The following TYW1B variants were observed in gnomAD, a reference collection of about 807,000 sequenced individuals.
TYW1B encodes the protein S-adenosyl-L-methionine-dependent tRNA 4-demethylwyosine synthase TYW1B.
TYW1B carries 73 observed loss-of-function variants against 86.9 expected under a neutral mutation model. The observed-to-expected ratio is 0.84, with a 90% CI of 0.70 to 1.02. The LOEUF is 1.02. Among genes scored for constraint, TYW1B ranks in the 50% least tolerant of loss-of-function variants. TYW1B has a pLI of 0.00. For missense variants in TYW1B, 637 were observed against 827.4 expected (o/e 0.77, Z 2.82); for synonymous variants, 248 against 292.8 (o/e 0.85, Z 1.56).
At chr7:72,649,222 T>C (rs1207901332) in intron 11 of TYW1B, among the ~76,000 whole-genome samples, 10 of 152,148 alleles carry the variant, frequency 6.6e-5, no homozygotes, top group African/African-American at 2.4e-4. Flanking sequence ...TGTAAAGAGC[T>C]GAAGACAAAA....
intron 7 of TYW1B, among the ~76,000 whole-genome samples, chr7:72,748,158 A>G (rs6973144): frequency 0.78 from 118,559 of 151,264 alleles, 46,677 homozygotes; most frequent in Non-Finnish European, 0.8. Context: ...AGTCCCAGCT[A>G]CTAGGGAGGC....
At chr7:72,756,151 T>G (rs1319243736) in intron 7 of TYW1B, among the ~76,000 whole-genome samples, 1 of 152,172 alleles carries the variant, frequency 6.6e-6, no homozygotes, top group Non-Finnish European at 1.5e-5. Context: ...ATGTAAAAAG[T>G]CAAGCATGGT....
intron 11 of TYW1B, among the ~76,000 whole-genome samples, chr7:72,642,655 C>T (rs1335036248): frequency 5.9e-5 from 9 of 152,230 alleles, no homozygotes; most frequent in African/African-American, 2.2e-4. Flanking sequence ...GTAATCCCAG[C>T]ACTTTGGGAG....
At chr7:72,779,712 CAAA>C (rs58301724) in intron 6 of TYW1B, among the ~76,000 whole-genome samples, 4 of 64,278 alleles carry the variant, frequency 6.2e-5, no homozygotes, top group African/African-American at 1.2e-4. Context: ...GACTCTGCCT[CAAA>C]AAAAAAAAAA....
At chr7:72,634,415 T>C (rs1165940046) in intron 11 of TYW1B, among the ~76,000 whole-genome samples, 1 of 148,120 alleles carries the variant, frequency 6.8e-6, no homozygotes, top group Non-Finnish European at 1.5e-5. Flanking sequence ...TCTCGAACTC[T>C]TGGGCTCAAG....
intron 10 of TYW1B, among the ~76,000 whole-genome samples, chr7:72,699,719 G>A (rs1318406028): frequency 7.9e-5 from 12 of 151,328 alleles, no homozygotes; most frequent in African/African-American, 2.4e-4. Context: ...GCGTGATCTC[G>A]GCTCACCACA....
intron 11 of TYW1B, among the ~76,000 whole-genome samples, chr7:72,661,100 A>G (rs1216668030): frequency 2.0e-5 from 3 of 151,280 alleles, no homozygotes; most frequent in African/African-American, 7.3e-5. Flanking sequence ...TCGCCACTAC[A>G]CTTCAGTCTG....
intron 13 of TYW1B, among the ~76,000 whole-genome samples, chr7:72,598,816 T>C (rs1239939440): frequency 6.6e-6 from 1 of 152,006 alleles, no homozygotes; most frequent in African/African-American, 2.4e-5. Flanking sequence ...TTTGAAAAAT[T>C]AAAATGCAAA....
chr7:72,727,353 G>C (rs1787018835), intron 9 of TYW1B, among the ~76,000 whole-genome samples: 1 of 152,152 alleles, frequency 6.6e-6, no homozygotes, highest in Non-Finnish European at 1.5e-5. Context: ...GAATACAGGA[G>C]AGAAGGAGTC....
At chr7:72,642,955 A>G (rs2129569053) in intron 11 of TYW1B, among the ~76,000 whole-genome samples, 1 of 152,360 alleles carries the variant, frequency 6.6e-6, no homozygotes, top group South Asian at 2.1e-4. Flanking sequence ...CTTGGAAAAC[A>G]TTATACTAAC....
chr7:72,710,309 T>C (rs1786622604), intron 10 of TYW1B, among the ~76,000 whole-genome samples: 1 of 152,168 alleles, frequency 6.6e-6, no homozygotes, highest in South Asian at 2.1e-4. Context: ...GTCCCGCACA[T>C]CAGCCATGTG....
At position 72,810,516 on chromosome 7, in the gene TYW1B, C is replaced by T. The variant is rs782226058; in HGVS notation, c.387G>A (p.Ala129=). 34 of 1,613,720 alleles carry T rather than the reference C, an allele frequency of 2.1e-5. 1 individual carries two copies. The highest frequency in any genetic ancestry group is 1.6e-4 in the Middle Eastern group (1 of 6,078). ...GKTYLKGMRD[A]VFGLGNSAYA... ...AGGCAGAATTTCCCAGGCCAAATACCGCATCTCTCATACCCTTCAGGTAAG... is the reference window on the plus strand; with the variant it reads ...AGGCAGAATTTCCCAGGCCAAATACTGCATCTCTCATACCCTTCAGGTAAG... Residue 129 remains alanine (A), a synonymous_variant, in exon 4 of 14, where the codon GCG becomes GCA. Coordinates refer to ENST00000620995, the MANE Select transcript of TYW1B (RefSeq NM_001145440.3).
rs1270142282 is a variant in TYW1B at position 72,799,334 on chromosome 7, G to T, written c.846+3066C>A. ...CCACTATGCCCGGCTAATTTTTTTT[G>T]TATTTTTTAGTAGAGATGGGGTTTC... is the stretch of plus-strand genomic sequence containing the variant. On this transcript the variant is annotated intron_variant, in intron 6 of 13. Coordinates refer to ENST00000620995, the MANE Select transcript of TYW1B (RefSeq NM_001145440.3). Among the ~76,000 whole-genome samples, 17 of 139,586 alleles carry T rather than the reference G, an allele frequency of 1.2e-4. No homozygotes were observed. The East Asian group carries it at 1.8e-3, about 15-fold the overall frequency. 91.6% of individuals were successfully genotyped at this position (139,586 alleles called of 152,430 possible).
intron 2 of TYW1B, chr7:72,822,747 G>T (rs1467853801): frequency 6.6e-6 from 1 of 152,198 alleles, no homozygotes; most frequent in Admixed American, 6.6e-5. Context: ...GGTGATTCAT[G>T]CCTCTAACCC....
chr7:72,800,209 T>G (rs1360772668), intron 6 of TYW1B, among the ~76,000 whole-genome samples: 1 of 152,100 alleles, frequency 6.6e-6, no homozygotes, highest in Non-Finnish European at 1.5e-5. Context: ...TCTTTTTTTT[T>G]TTTTTTGAAA....
At chr7:72,629,523 CA>C (rs1554439516) in intron 11 of TYW1B, among the ~76,000 whole-genome samples, 1 of 152,146 alleles carries the variant, frequency 6.6e-6, no homozygotes, top group African/African-American at 2.4e-5. Flanking sequence ...CACATAACCA[CA>C]AGAGGGACTG....
chr7:72,576,468 T>C (rs531615196), intron 13 of TYW1B, among the ~76,000 whole-genome samples: 61 of 151,792 alleles, frequency 4.0e-4, no homozygotes, highest in Non-Finnish European at 7.8e-4. Context: ...AATACGCTGA[T>C]ACCTGACTCA....
At chr7:72,710,553 C>T (rs527736923) in intron 10 of TYW1B, among the ~76,000 whole-genome samples, 2 of 152,214 alleles carry the variant, frequency 1.3e-5, no homozygotes, top group South Asian at 2.1e-4. Context: ...AGCCTGGGCT[C>T]GGTGGCTCAC....
At chr7:72,799,391 G>A (rs1788364904) in intron 6 of TYW1B, among the ~76,000 whole-genome samples, 3 of 151,768 alleles carry the variant, frequency 2.0e-5, no homozygotes, top group African/African-American at 7.3e-5. Context: ...TCGAGCTCCT[G>A]ACCTCAAGCG....
Sources: gnomAD v4.1 joint callset for allele counts (sites outside exome capture counted in the v4.1 genomes callset) on GRCh38, gnomAD v4.1.1 for gene constraint, MANE v1.5 for transcripts, NCBI Gene and HGNC (gene_info 2026-07-23, HGNC 2026-07-21) for gene names.